The following NECAP1 variants were observed in gnomAD, a reference collection of about 807,000 sequenced individuals.
The protein encoded by NECAP1 is adaptin ear-binding coat-associated protein 1.
NECAP1 carries 13 observed loss-of-function variants against 33.4 expected under a neutral mutation model. The observed-to-expected ratio is 0.39, with a 90% CI of 0.25 to 0.62. NECAP1 has a LOEUF of 0.62. Ranked by LOEUF, NECAP1 falls within the 20% of genes least tolerant of loss-of-function variation. NECAP1 has a pLI of 0.52. For missense variants in NECAP1, 272 were observed against 347.4 expected (o/e 0.78, Z 1.73); for synonymous variants, 109 against 125.2 (o/e 0.87, Z 0.86).
intron 1 of NECAP1, chr12:8,082,698 A>G: frequency 3.2e-6 from 1 of 312,662 alleles, no homozygotes; most frequent in Non-Finnish European, 6.1e-6. Flanking sequence ...TGCTTGCTCC[A>G]TTGCCAGTCC....
chr12:8,089,331 A>G (rs944272080), intron 1 of NECAP1: 1 of 152,320 alleles, frequency 6.6e-6, no homozygotes, highest in Admixed American at 6.5e-5. Flanking sequence ...GTTATCTAGT[A>G]TACCATCTAT....
intron 3 of NECAP1, 55 bp from the exon 4 acceptor site, chr12:8,091,714 G>C: frequency 1.3e-6 from 2 of 1,536,960 alleles, no homozygotes; most frequent in Non-Finnish European, 1.8e-6. Flanking sequence ...CCGGGGGTTG[G>C]GGGCTCCTGC....
At chr12:8,084,705 T>C (rs774232231) in intron 1 of NECAP1, among the ~76,000 whole-genome samples, 9 of 152,324 alleles carry the variant, frequency 5.9e-5, no homozygotes, top group South Asian at 2.1e-4. Flanking sequence ...CTCTTCATTT[T>C]GTATTGTAAT....
At position 8,096,118 on chromosome 12, in the gene NECAP1, A is replaced by G; in HGVS notation, c.*28A>G. 2 of 1,609,592 alleles carry G rather than the reference A, an allele frequency of 1.2e-6. No individual in the cohort carries two copies. Among genetic ancestry groups the G allele is most frequent in the Non-Finnish European group, 1.7e-6 (2 of 1,176,666 alleles). On this transcript the variant is annotated 3_prime_UTR_variant, in exon 8 of 8. Transcript: ENST00000339754. ...GGCATTGGCAGGACATTAAGGACAG[A>G]CTTGAGGAATAAAAATGACCTTGAG...
At chr12:8,086,384 G>T (rs755138888) in intron 1 of NECAP1, among the ~76,000 whole-genome samples, 1 of 152,196 alleles carries the variant, frequency 6.6e-6, no homozygotes, top group African/African-American at 2.4e-5. Flanking sequence ...AGGCCGAGGC[G>T]CACGGATCAC....
At chr12:8,088,588 C>T (rs995711031) in intron 1 of NECAP1, among the ~76,000 whole-genome samples, 1 of 152,174 alleles carries the variant, frequency 6.6e-6, no homozygotes, top group Non-Finnish European at 1.5e-5. Flanking sequence ...GTCCTCTTAT[C>T]CCAACAGCTT....
At chr12:8,082,772 TCTCACACACACACACACACA>T (rs1565642187) in intron 1 of NECAP1, 163 of 114,664 alleles carry the variant, frequency 1.4e-3, no homozygotes, top group South Asian at 4.8e-3. Context: ...TCTCTCTCTC[TCTCACACACACACACACACA>T]CACACACACA....
intron 3 of NECAP1, chr12:8,091,118 A>C (rs1480353767): frequency 6.5e-6 from 1 of 152,890 alleles, no homozygotes; most frequent in Non-Finnish European, 1.5e-5. Flanking sequence ...CATGGGCTCT[A>C]TGTAGTTTAT....
chr12:8,093,017 C>T lies in NECAP1; in HGVS notation c.638C>T (p.Pro213Leu), dbSNP rs747016834. 2 of 1,614,190 alleles carry T rather than the reference C, an allele frequency of 1.2e-6. No individual in the cohort carries two copies. The highest frequency in any genetic ancestry group is 2.2e-5 in the South Asian group (2 of 91,088). Reference sequence around the variant, plus strand: ...GCCATCAGCAATCATGTCACCCCACCACCCATTCCGAAATCTAACCATGGA... The same window carrying T: ...GCCATCAGCAATCATGTCACCCCACTACCCATTCCGAAATCTAACCATGGA... ...SVAISNHVTP[P>L]PIPKSNHGGS... The change falls in exon 6 of 8, where the codon CCA becomes CTA. Residue 213 changes from proline to leucine, a missense_variant. Physicochemically the swap from Pro to Leu is moderately conservative, Grantham distance 98. Transcript: ENST00000339754.
chr12:8,086,928 TACACAC>T (rs140539415), intron 1 of NECAP1, among the ~76,000 whole-genome samples: 101 of 143,836 alleles, frequency 7.0e-4, no homozygotes, highest in East Asian at 2.6e-3. Flanking sequence ...GAGACTCTAT[TACACAC>T]ACACACACAC....
In NECAP1 at chr12:8,086,474, C is replaced by T. The variant is rs756998834; in HGVS notation, c.96-3462C>T. ...CAAAAATACAAAAAACTTAGCCAGC[C>T]GTGGTGGCGCACACCTGTAGTCCCA... On this transcript the variant is annotated intron_variant, in intron 1 of 7. Transcript: ENST00000339754. 1.9e-4 allele frequency among the ~76,000 whole-genome samples: 28 copies of T among 150,978 alleles called. No homozygotes were observed. In the South Asian group the frequency reaches 3.8e-3, roughly 20 times the overall value.
chr12:8,084,028 C>T (rs766054896), intron 1 of NECAP1, among the ~76,000 whole-genome samples: 2 of 152,078 alleles, frequency 1.3e-5, no homozygotes, highest in South Asian at 2.1e-4. Flanking sequence ...AGGTGTGGGC[C>T]ACTGCACCTG....
chr12:8,092,525 T>G lies in NECAP1; in HGVS notation c.384-151T>G, dbSNP rs925695631. On this transcript the variant is annotated intron_variant, in intron 4 of 7. Transcript: ENST00000339754. Reference sequence around the variant, plus strand: ...AATTGAACCCCAGTTGTTTTCTTTCTTGGCTTTTTTCCCTTCTGTTTCTCA... The same window carrying G: ...AATTGAACCCCAGTTGTTTTCTTTCGTGGCTTTTTTCCCTTCTGTTTCTCA... 8 of 599,264 alleles carry G rather than the reference T, an allele frequency of 1.3e-5. No individual in the cohort carries two copies. The Admixed American group carries it at 2.2e-4, about 17-fold the overall frequency. 37.1% of individuals were successfully genotyped at this position (599,264 alleles called of 1,614,324 possible).
intron 7 of NECAP1, 123 bp downstream of exon 7, chr12:8,095,826 T>C: frequency 8.5e-7 from 1 of 1,172,750 alleles, no homozygotes; most frequent in Admixed American, 2.0e-5. Flanking sequence ...TTTGGAAGAG[T>C]TCTAGTGAAG....
At chr12:8,091,116 C>CT (rs1197508630) in intron 3 of NECAP1, 3 of 152,880 alleles carry the variant, frequency 2.0e-5, no homozygotes, top group Non-Finnish European at 4.4e-5. Flanking sequence ...CCCATGGGCT[C>CT]TATGTAGTTT....
Position 8,096,595 on chromosome 12 carries a change from A to T in NECAP1, c.*505A>T, listed in dbSNP as rs1239495795. On this transcript the variant is annotated 3_prime_UTR_variant, in exon 8 of 8. Coordinates refer to ENST00000339754, the MANE Select transcript of NECAP1 (RefSeq NM_015509.4). ...GTGTTTACAAATTCAGAATTTTGATAGGGGTAGATATGGAGAAAGACCTAT... is the reference window on the plus strand; with the variant it reads ...GTGTTTACAAATTCAGAATTTTGATTGGGGTAGATATGGAGAAAGACCTAT... The T allele has an allele frequency of 6.5e-6, 1 of 153,902 alleles. No homozygotes were observed. Among genetic ancestry groups the T allele is most frequent in the Non-Finnish European group, 1.5e-5 (1 of 68,820 alleles). 9.5% of individuals were successfully genotyped at this position (153,902 alleles called of 1,614,324 possible).
rs150800929 is a variant in NECAP1, at chr12:8,092,803, A to C, written c.492+19A>C. On this transcript the variant is annotated intron_variant, in intron 5 of 7. Transcript: ENST00000339754. Reference sequence around the variant, plus strand: ...TATCGGGGTGAGTATGGTTTTTAAAAATTTTGTTTTCCTGTGCTTCCATAA... The same window carrying C: ...TATCGGGGTGAGTATGGTTTTTAAACATTTTGTTTTCCTGTGCTTCCATAA... The C allele has an allele frequency of 1.9e-6, 3 of 1,601,232 alleles. No homozygotes were observed. The South Asian group carries it at 3.4e-5, about 18-fold the overall frequency.
chr12:8,089,822 A>T, intron 1 of NECAP1, 114 bp from the exon 2 acceptor site: 1 of 765,882 alleles, frequency 1.3e-6, no homozygotes, highest in Non-Finnish European at 2.3e-6. Flanking sequence ...GTTGATTAAT[A>T]GGTAGAAAGA....
intron 1 of NECAP1, among the ~76,000 whole-genome samples, chr12:8,086,938 C>T (rs985164907): frequency 6.6e-6 from 1 of 151,336 alleles, no homozygotes; most frequent in African/African-American, 2.4e-5. Flanking sequence ...TACACACACA[C>T]ACACACACAC....
Sources: allele counts gnomAD v4.1 joint callset (sites outside exome capture counted in the v4.1 genomes callset), GRCh38; gene constraint gnomAD v4.1.1; transcripts MANE v1.5; gene names NCBI Gene and HGNC (gene_info 2026-07-23, HGNC 2026-07-21).